The following KIF21A variants were observed in gnomAD, a reference collection of about 807,000 sequenced individuals.
KIF21A encodes the protein kinesin-like protein KIF21A.
A neutral mutation model predicts 202.9 loss-of-function variants in KIF21A; 114 were observed. The observed-to-expected ratio is 0.56, with a 90% CI of 0.48 to 0.66. KIF21A has a LOEUF of 0.66. KIF21A is among the 30% of genes least tolerant of loss of function. The pLI is 0.00. For synonymous variants in KIF21A, 667 were observed against 670.8 expected, an observed-to-expected ratio of 0.99 and a Z score of 0.09; for missense variants, 1,677 against 1,994.9, an observed-to-expected ratio of 0.84 and a Z score of 3.04.
intron 22 of KIF21A, among the ~76,000 whole-genome samples, chr12:39,331,132 C>A (rs1946469514): frequency 6.6e-6 from 1 of 151,284 alleles, no homozygotes; most frequent in Non-Finnish European, 1.5e-5. Context: ...AAAATGAGAT[C>A]AATAATAATT....
At chr12:39,336,098 C>CA (rs1385412991) in intron 17 of KIF21A, among the ~76,000 whole-genome samples, 1 of 152,060 alleles carries the variant, frequency 6.6e-6, no homozygotes, top group Non-Finnish European at 1.5e-5. Context: ...TCTTCTTTTT[C>CA]AAAGAGGCAG....
In KIF21A at chr12:39,313,629, C is replaced by A. The variant is rs11171708; in HGVS notation, c.3959+1600G>T. ...GTATCTAGTCAATCTTTACCTAGCC[C>A]TAGGGAGAAGTGGCATGCTTATTAA... On this transcript the variant is annotated intron_variant, in intron 31 of 37. Transcript: ENST00000361418. Among the ~76,000 whole-genome samples, 11 of 151,730 alleles carry A rather than the reference C, an allele frequency of 7.2e-5. No homozygotes were observed. In the East Asian group the frequency reaches 2.1e-3, roughly 29 times the overall value.
intron 1 of KIF21A, among the ~76,000 whole-genome samples, chr12:39,403,736 T>A (rs906124326): frequency 5.9e-5 from 9 of 152,228 alleles, no homozygotes; most frequent in African/African-American, 2.2e-4. Flanking sequence ...ATCTAAAACA[T>A]GAGAACTCAT....
intron 1 of KIF21A, among the ~76,000 whole-genome samples, chr12:39,385,036 G>C (rs1712398371): frequency 6.6e-6 from 1 of 152,054 alleles, no homozygotes; most frequent in Admixed American, 6.6e-5. Context: ...GTAATCATAG[G>C]AGTGATATCC....
intron 1 of KIF21A, among the ~76,000 whole-genome samples, chr12:39,404,388 A>G (rs975444003): frequency 6.6e-6 from 1 of 152,234 alleles, no homozygotes; most frequent in Non-Finnish European, 1.5e-5. Flanking sequence ...AGAAATAAAA[A>G]TAATGTGGAA....
intron 1 of KIF21A, among the ~76,000 whole-genome samples, chr12:39,420,904 A>T (rs995999870): frequency 6.6e-6 from 1 of 152,162 alleles, no homozygotes; most frequent in African/African-American, 2.4e-5. Flanking sequence ...TCAGGTTTGA[A>T]AGAACAACTT....
At chr12:39,333,591 A>C (rs1021008950) in intron 17 of KIF21A, among the ~76,000 whole-genome samples, 1 of 152,178 alleles carries the variant, frequency 6.6e-6, no homozygotes, top group Non-Finnish European at 1.5e-5. Context: ...TATCTTATTT[A>C]ATTTTGTTAG....
At chr12:39,390,639 T>C (rs1328637713) in intron 1 of KIF21A, among the ~76,000 whole-genome samples, 1 of 152,076 alleles carries the variant, frequency 6.6e-6, no homozygotes, top group Non-Finnish European at 1.5e-5. Context: ...CTGTAATGTA[T>C]AACCTACAAA....
chr12:39,326,185 T>A, intron 25 of KIF21A, 79 bp downstream of exon 25: 2 of 1,084,756 alleles, frequency 1.8e-6, no homozygotes, highest in Admixed American at 1.8e-5. Flanking sequence ...TTCTGTTTTA[T>A]GGTAATTGTT....
At chr12:39,382,905 A>G (rs1950706430) in intron 1 of KIF21A, among the ~76,000 whole-genome samples, 1 of 152,206 alleles carries the variant, frequency 6.6e-6, no homozygotes, top group South Asian at 2.1e-4. Flanking sequence ...CCTTTTAGAA[A>G]GCTAGCCGAA....
intron 12 of KIF21A, among the ~76,000 whole-genome samples, chr12:39,343,153 G>A (rs1355485845): frequency 2.6e-5 from 4 of 152,082 alleles, no homozygotes; most frequent in African/African-American, 4.8e-5. Context: ...CACGAGGTCA[G>A]GCATTTGAGT....
chr12:39,396,973 G>A (rs1951801923), intron 1 of KIF21A, among the ~76,000 whole-genome samples: 1 of 152,120 alleles, frequency 6.6e-6, no homozygotes, highest in Non-Finnish European at 1.5e-5. Context: ...AATAAATAGT[G>A]TATGATTTTA....
chr12:39,437,152 T>TTA (rs150424667), intron 1 of KIF21A, among the ~76,000 whole-genome samples: 2 of 152,300 alleles, frequency 1.3e-5, no homozygotes, highest in East Asian at 3.9e-4. Context: ...ATTGGGCATA[T>TTA]TATAGTATTA....
intron 12 of KIF21A, among the ~76,000 whole-genome samples, chr12:39,344,350 T>C (rs565464116): frequency 6.6e-6 from 1 of 152,260 alleles, no homozygotes; most frequent in African/African-American, 2.4e-5. Flanking sequence ...AGGTCTAAGG[T>C]GTAGGGCTAG....
intron 1 of KIF21A, among the ~76,000 whole-genome samples, chr12:39,384,795 G>A (rs536038013): frequency 6.6e-6 from 1 of 152,278 alleles, no homozygotes; most frequent in Admixed American, 6.5e-5. Flanking sequence ...GGCATTCTCA[G>A]TTGGAATTCA....
Position 39,322,694 on chromosome 12 carries a change from AGGTGG to A in KIF21A, c.3640_3644del (p.Pro1214TrpfsTer5). On this transcript the variant is annotated frameshift_variant, in exon 27 of 38. Coordinates refer to ENST00000361418, the MANE Select transcript of KIF21A (RefSeq NM_001173464.2). LOFTEE classifies it high-confidence loss of function. The stretch of plus-strand genomic sequence containing the variant: ...TGCTGCCTATCTTAGAAGGTAAGCC[AGGTGG>A]GGGAGAGAGCTCTTTTTCCCTAGCA... 1.2e-6 allele frequency: 2 copies of A among 1,614,166 alleles called. No individual in the cohort carries two copies. The highest frequency in any genetic ancestry group is 1.7e-6 in the Non-Finnish European group (2 of 1,180,008).
chr12:39,313,421 T>G (rs1944223483), intron 31 of KIF21A, among the ~76,000 whole-genome samples: 1 of 151,886 alleles, frequency 6.6e-6, no homozygotes, highest in African/African-American at 2.4e-5. Flanking sequence ...GGATACCAAT[T>G]TAAGGGAATG....
chr12:39,425,454 G>A (rs1328031780), intron 1 of KIF21A, among the ~76,000 whole-genome samples: 1 of 152,142 alleles, frequency 6.6e-6, no homozygotes, highest in African/African-American at 2.4e-5. Flanking sequence ...CCAGAGCTAT[G>A]TGCCTGCTGA....
rs906206403 is a variant in KIF21A, at chr12:39,342,048, T to C, written c.1789A>G (p.Asn597Asp). Reference sequence around the variant, plus strand: ...TTCATACTTACCACTTCTAATTCATTGTTTTCTCTTTCCGAAACACCCTTT... The same window carrying C: ...TTCATACTTACCACTTCTAATTCATCGTTTTCTCTTTCCGAAACACCCTTT... The part of the protein sequence containing the change: ...EEKGVSEREN[N>D]ELEVEESQEV... The change falls in exon 13 of 38, where the codon AAT (asparagine) becomes GAT (aspartate). Residue 597 changes from asparagine to aspartate, a missense_variant. This residue lies in a region of KIF21A where 966 missense variants were observed against 1,180.9 expected (regional missense o/e 0.82). Transcript: ENST00000361418. 37 of 1,608,266 alleles carry C rather than the reference T, an allele frequency of 2.3e-5. 1 individual carries two copies. The highest frequency in any genetic ancestry group is 3.1e-5 in the Non-Finnish European group (37 of 1,175,222).
Sources: allele counts gnomAD v4.1 joint callset (sites outside exome capture counted in the v4.1 genomes callset), GRCh38; gene constraint gnomAD v4.1.1; regional missense constraint gnomAD v4.1.1; transcripts MANE v1.5; gene names NCBI Gene and HGNC (gene_info 2026-07-23, HGNC 2026-07-21).